Variants in SGO2 observed in about 807,000 individuals in gnomAD.
SGO2 encodes the protein shugoshin 2.
In SGO2, 68 loss-of-function variants were observed where a neutral mutation model predicts 99.5. The observed-to-expected ratio is 0.68, with a 90% CI of 0.56 to 0.84. The LOEUF (loss-of-function observed/expected upper bound fraction) is 0.84. Ranked by LOEUF, SGO2 falls within the 40% of genes least tolerant of loss-of-function variation. SGO2 has a pLI of 0.00. For missense variants in SGO2, 1,350 were observed against 1,436.7 expected, an observed-to-expected ratio of 0.94 and a Z score of 0.97; for synonymous variants, 457 against 487.1, an observed-to-expected ratio of 0.94 and a Z score of 0.81.
Position 200,573,946 on chromosome 2 carries a change from A to G in SGO2, c.3600A>G (p.Lys1200=), listed in dbSNP as rs1050300036. Residue 1200 remains lysine, a synonymous_variant, in exon 7 of 9, where the codon AAA becomes AAG. Transcript: ENST00000357799. Reference sequence around the variant, plus strand: ...AGAAGATGAACAAGATGAAATTTAAAGTCAACCGGAGAACCCAAAAATCAG... The same window carrying G: ...AGAAGATGAACAAGATGAAATTTAAGGTCAACCGGAGAACCCAAAAATCAG... ...EHEKMNKMKF[K]VNRRTQKSGI... The G allele has an allele frequency of 6.3e-7, 1 of 1,596,060 alleles. No individual in the cohort carries two copies. The highest frequency in any genetic ancestry group is 8.5e-7 in the Non-Finnish European group (1 of 1,174,570).
At position 200,569,658 on chromosome 2, in the gene SGO2, T is replaced by C; in HGVS notation, c.474-5T>C. 6.3e-7 allele frequency: 1 copy of C among 1,594,940 alleles called. No homozygotes were observed. Among genetic ancestry groups the C allele is most frequent in the East Asian group, 2.2e-5 (1 of 44,516 alleles). ...ATTTCTCATTTCCTTCCCACTTGCC[T>C]TTAGGGTTCCATTAACTTCAAATGA... On this transcript the variant is annotated splice_region_variant and splice_polypyrimidine_tract_variant and intron_variant, in intron 5 of 8. Coordinates refer to ENST00000357799, the MANE Select transcript of SGO2 (RefSeq NM_152524.6).
chr2:200,533,191 G>T (rs1184000315), intron 2 of SGO2, 83 bp downstream of exon 2: 2 of 1,400,244 alleles, frequency 1.4e-6, no homozygotes, highest in Middle Eastern at 5.4e-4. Flanking sequence ...ATTTTATCAA[G>T]TACAGAAAAT....
intron 5 of SGO2, among the ~76,000 whole-genome samples, chr2:200,552,344 A>G (rs1356321417): frequency 6.6e-6 from 1 of 152,158 alleles, no homozygotes; most frequent in East Asian, 1.9e-4. Context: ...TTTATTTTAT[A>G]TTCTTAAATG....
intron 1 of SGO2, among the ~76,000 whole-genome samples, chr2:200,530,623 A>T (rs776650506): frequency 6.6e-6 from 1 of 152,192 alleles, no homozygotes; most frequent in Admixed American, 6.5e-5. Context: ...ACCCCGTTAG[A>T]GGTTGGAAGA....
intron 5 of SGO2, among the ~76,000 whole-genome samples, 159 bp from the exon 6 acceptor site, chr2:200,569,504 A>G (rs1321101951): frequency 6.6e-6 from 1 of 152,126 alleles, no homozygotes; most frequent in African/African-American, 2.4e-5. Context: ...TCTAGTAGGA[A>G]CTACTCATTT....
intron 5 of SGO2, among the ~76,000 whole-genome samples, chr2:200,546,801 T>A (rs921209844): frequency 6.6e-6 from 1 of 152,100 alleles, no homozygotes; most frequent in Admixed American, 6.6e-5. Flanking sequence ...GTGAGCTGGC[T>A]ATTTGAAAAT....
intron 5 of SGO2, among the ~76,000 whole-genome samples, chr2:200,551,646 A>G (rs2032489907): frequency 6.6e-6 from 1 of 152,120 alleles, no homozygotes; most frequent in Admixed American, 6.5e-5. Flanking sequence ...ATGTTTATAT[A>G]TTCAGTCTAC....
intron 2 of SGO2, 172 bp downstream of exon 2, chr2:200,533,280 T>C (rs142182321): frequency 1.6e-6 from 1 of 628,906 alleles, no homozygotes; most frequent in African/African-American, 1.9e-5. Flanking sequence ...GTTAGTTGGG[T>C]GGTTTTGATG....
intron 1 of SGO2, among the ~76,000 whole-genome samples, chr2:200,530,570 C>T (rs1301631497): frequency 6.6e-6 from 1 of 151,730 alleles, no homozygotes; most frequent in Non-Finnish European, 1.5e-5. Context: ...TATGAAATCA[C>T]CAAAGAAGGG....
chr2:200,526,866 C>G lies in SGO2; in HGVS notation c.-3+614C>G, dbSNP rs905518233. ...CGAGATGCTGGCCGGACAAGTGTCA[C>G]AGAGTGCTGGTATTGAGTGCTGATA... On this transcript the variant is annotated intron_variant, in intron 1 of 8. Coordinates refer to ENST00000357799, the MANE Select transcript of SGO2 (RefSeq NM_152524.6). The surrounding 1 kb of genome is among the most constrained non-coding windows in gnomAD (Gnocchi z 4.8). Among the ~76,000 whole-genome samples the G allele has an allele frequency of 6.6e-6, 1 of 152,178 alleles. No homozygotes were observed. The highest frequency in any genetic ancestry group is 6.5e-5 in the Admixed American group (1 of 15,282).
chr2:200,561,873 G>A (rs2032986058), intron 5 of SGO2, among the ~76,000 whole-genome samples: 1 of 151,922 alleles, frequency 6.6e-6, no homozygotes, highest in Non-Finnish European at 1.5e-5. Context: ...AGAAGTGTCT[G>A]TTATCCTTCA....
chr2:200,544,492 G>A (rs1159840717), intron 5 of SGO2, among the ~76,000 whole-genome samples: 1 of 152,134 alleles, frequency 6.6e-6, no homozygotes, highest in Non-Finnish European at 1.5e-5. Context: ...ATGTTGGCCA[G>A]GCTGATCTCC....
intron 5 of SGO2, 135 bp from the exon 6 acceptor site, chr2:200,569,527 TG>T (rs1385740419): frequency 4.7e-6 from 3 of 639,566 alleles, no homozygotes; most frequent in Non-Finnish European, 8.0e-6. Context: ...TACCTTTAAG[TG>T]TCTTCATTGA....
At chr2:200,565,142 GT>G (rs1197832456) in intron 5 of SGO2, among the ~76,000 whole-genome samples, 1 of 152,182 alleles carries the variant, frequency 6.6e-6, no homozygotes, top group African/African-American at 2.4e-5. Flanking sequence ...AGTTGATGCA[GT>G]TTCTTCCTAG....
intron 5 of SGO2, among the ~76,000 whole-genome samples, chr2:200,566,873 C>T (rs1035968121): frequency 7.9e-5 from 12 of 152,132 alleles, no homozygotes; most frequent in African/African-American, 1.7e-4. Flanking sequence ...CTGAGCCAGG[C>T]GCCGGATATA....
intron 5 of SGO2, among the ~76,000 whole-genome samples, chr2:200,550,124 T>C (rs1055266741): frequency 1.3e-5 from 2 of 151,964 alleles, no homozygotes; most frequent in African/African-American, 4.8e-5. Context: ...AAATATGAAA[T>C]ACCTAGGAAT....
chr2:200,563,640 C>G (rs2033065672), intron 5 of SGO2, among the ~76,000 whole-genome samples: 1 of 152,176 alleles, frequency 6.6e-6, no homozygotes, highest in Non-Finnish European at 1.5e-5. Context: ...ATGGTACCAA[C>G]TCCTCTTTGT....
At chr2:200,527,402 A>G (rs1309818314) in intron 1 of SGO2, among the ~76,000 whole-genome samples, 1 of 152,200 alleles carries the variant, frequency 6.6e-6, no homozygotes, top group Non-Finnish European at 1.5e-5. Context: ...GAGATGCAAC[A>G]GTTTGTGGGG....
chr2:200,543,881 AT>A (rs750867746), intron 5 of SGO2, among the ~76,000 whole-genome samples: 6 of 152,216 alleles, frequency 3.9e-5, no homozygotes, highest in Admixed American at 6.5e-5. Context: ...TTTGAAGTAT[AT>A]TATACATATT....
Sources: gnomAD v4.1 joint callset for allele counts (sites outside exome capture counted in the v4.1 genomes callset) on GRCh38, gnomAD v4.1.1 for gene constraint, Gnocchi (gnomAD v3.1) non-coding constraint, MANE v1.5 for transcripts, NCBI Gene and HGNC (gene_info 2026-07-23, HGNC 2026-07-21) for gene names.